The following RIC3 variants were observed in gnomAD, a reference collection of about 807,000 sequenced individuals.
The protein encoded by RIC3 is RIC3 acetylcholine receptor chaperone, also known as protein RIC-3.
RIC3 carries 28 observed loss-of-function variants against 27.3 expected under a neutral mutation model. The observed-to-expected ratio is 1.02, with a 90% confidence interval of 0.76 to 1.41. The LOEUF (loss-of-function observed/expected upper bound fraction) is 1.41, where lower values mean the gene tolerates loss of function less well. Ranked by LOEUF, RIC3 falls within the 40% of genes most tolerant of loss-of-function variation. The probability of loss-of-function intolerance (pLI) is 0.00; values close to 1 mark genes in which losing one functional copy is unlikely to be tolerated. For synonymous variants in RIC3, 184 were observed against 160.4 expected, an observed-to-expected ratio of 1.15 and a Z score of -1.11; for missense variants, 501 against 444.7, an observed-to-expected ratio of 1.13 and a Z score of -1.14.
downstream of RIC3, chr11:8,104,559 C>T (rs1944453355): frequency 6.6e-6 from 1 of 152,130 alleles, no homozygotes; most frequent in African/African-American, 2.4e-5. Flanking sequence ...GTTATGATCG[C>T]CTGTGGATTT....
At chr11:8,137,273 C>G (rs377610619) in intron 4 of RIC3, 105 bp downstream of exon 4, 2 of 906,374 alleles carry the variant, frequency 2.2e-6, no homozygotes, top group African/African-American at 1.6e-5. Context: ...ATCCACCCAC[C>G]TCGGCCTCCC....
At chr11:8,165,092 G>A (rs906734559) in intron 1 of RIC3, among the ~76,000 whole-genome samples, 2 of 152,164 alleles carry the variant, frequency 1.3e-5, no homozygotes, top group African/African-American at 4.8e-5. Context: ...AAAATGGTCT[G>A]GCAGTTCCTC....
chr11:8,100,630 T>C, the RIC3 span: 25 of 1,599,394 alleles, frequency 1.6e-5, no homozygotes, highest in East Asian at 2.5e-4. Flanking sequence ...CTCCCCTCTT[T>C]CCCCATCATC....
intron 1 of RIC3, among the ~76,000 whole-genome samples, chr11:8,162,629 CTTTT>C (rs757717970): frequency 1.8e-4 from 15 of 83,706 alleles, no homozygotes; most frequent in South Asian, 1.3e-3. Context: ...CATGCTTCTT[CTTTT>C]TTTTTTTTTT....
rs529602982 is a variant in RIC3, at chr11:8,141,722, T to C, written c.125-1529A>G. 5.9e-5 allele frequency among the ~76,000 whole-genome samples: 9 copies of C among 152,222 alleles called. No homozygotes were observed. In the East Asian group the frequency reaches 1.3e-3, roughly 23 times the overall value. ...CTCTCCACCCCAAATCAACAGAATATACATTTTTTTCAGCACCACACCACA... is the reference window on the plus strand; with the variant it reads ...CTCTCCACCCCAAATCAACAGAATACACATTTTTTTCAGCACCACACCACA... On this transcript the variant is annotated intron_variant, in intron 1 of 5. Transcript: ENST00000309737.
At chr11:8,102,863 TG>T (rs1187079799), downstream of RIC3, 1 of 152,208 alleles carries the variant, frequency 6.6e-6, no homozygotes, top group Non-Finnish European at 1.5e-5. Context: ...CAAGTTCTCT[TG>T]ATTTCTTTGT....
chr11:8,116,886 A>G (rs1945910947), intron 5 of RIC3, among the ~76,000 whole-genome samples: 1 of 152,192 alleles, frequency 6.6e-6, no homozygotes, highest in South Asian at 2.1e-4. Flanking sequence ...CTATCATATG[A>G]TCCAGTAATC....
intron 4 of RIC3, among the ~76,000 whole-genome samples, chr11:8,136,899 T>G (rs756010055): frequency 3.3e-5 from 5 of 152,174 alleles, no homozygotes; most frequent in Admixed American, 6.5e-5. Context: ...CTTGACAGTA[T>G]GTGAATGAAA....
the RIC3 span, chr11:8,097,815 C>G: frequency 6.2e-7 from 1 of 1,613,094 alleles, no homozygotes. Context: ...ACAGCTATAT[C>G]GGGAAACTGC....
intron 1 of RIC3, among the ~76,000 whole-genome samples, chr11:8,146,818 G>C (rs1331978099): frequency 1.3e-5 from 2 of 152,148 alleles, no homozygotes; most frequent in South Asian, 2.1e-4. Flanking sequence ...CTAAAGACCT[G>C]GGATCAACAG....
At chr11:8,136,399 A>G (rs1302493548) in intron 4 of RIC3, among the ~76,000 whole-genome samples, 1 of 152,122 alleles carries the variant, frequency 6.6e-6, no homozygotes, top group Non-Finnish European at 1.5e-5. Flanking sequence ...TCCCCCTAAT[A>G]TTCTTCCTCC....
the RIC3 span, chr11:8,095,592 C>T: frequency 3.3e-4 from 531 of 1,612,894 alleles, no homozygotes; most frequent in Non-Finnish European, 4.3e-4. Context: ...ACGCCCAGGA[C>T]GCAGGGGAGA....
intron 1 of RIC3, among the ~76,000 whole-genome samples, chr11:8,162,536 T>C (rs2134307219): frequency 6.6e-6 from 1 of 151,176 alleles, no homozygotes; most frequent in Middle Eastern, 3.5e-3. Flanking sequence ...TCCTTAAGAA[T>C]GACAGAAAAA....
At chr11:8,104,246 T>C (rs554942502), downstream of RIC3, 7 of 152,352 alleles carry the variant, frequency 4.6e-5, no homozygotes, top group African/African-American at 1.4e-4. Flanking sequence ...CCTAATGGTA[T>C]TGGGCAGTTG....
intron 1 of RIC3, among the ~76,000 whole-genome samples, chr11:8,145,675 A>G (rs9783349): frequency 0.17 from 26,252 of 151,946 alleles, 3,076 homozygotes; most frequent in African/African-American, 0.33. Flanking sequence ...GTGTTACATC[A>G]ATTTTCTTGC....
chr11:8,101,446 T>C (rs1298083113), downstream of RIC3: 1 of 1,607,856 alleles, frequency 6.2e-7, no homozygotes, highest in East Asian at 2.2e-5. Context: ...ACCATTCCTG[T>C]CCTGTCCTTT....
chr11:8,133,420 G>T (rs1238427668), intron 4 of RIC3, among the ~76,000 whole-genome samples: 1 of 152,150 alleles, frequency 6.6e-6, no homozygotes, highest in African/African-American at 2.4e-5. Flanking sequence ...AGGATAAAAG[G>T]TGTTGGATTA....
In RIC3 at chr11:8,108,347, A is replaced by G. The variant is rs1381516049; in HGVS notation, c.*2351T>C. 1 of 152,184 alleles carries G rather than the reference A, an allele frequency of 6.6e-6. No individual in the cohort carries two copies. The highest frequency in any genetic ancestry group is 2.4e-5 in the African/African-American group (1 of 41,438). The allele number at this position is 152,184 out of a possible 1,614,324, so 9.4% of individuals were successfully genotyped here. The stretch of plus-strand genomic sequence containing the variant: ...CATGCCTCAAGGCCCACCTCCCAAG[A>G]AACTGTGAAGTTTCTTGGCAATACT... On this transcript the variant is annotated 3_prime_UTR_variant, in exon 6 of 6. Coordinates refer to ENST00000309737, the MANE Select transcript of RIC3 (RefSeq NM_001206671.4).
Position 8,128,201 on chromosome 11 carries a change from C to T in RIC3, c.522-1394G>A, listed in dbSNP as rs563042350. On this transcript the variant is annotated intron_variant, in intron 4 of 5. Transcript: ENST00000309737. ...CCCACTTTGTGTGAGGCTTCTGGGG[C>T]AGACTAGAAGAGCTTACCTGCTTAT... 5 of 457,388 alleles carry T rather than the reference C, an allele frequency of 1.1e-5. No individual in the cohort carries two copies. The East Asian group carries it at 3.5e-4, about 32-fold the overall frequency. The allele number at this position is 457,388 out of a possible 1,614,324, so 28.3% of individuals were successfully genotyped here.
Sources: allele counts gnomAD v4.1 joint callset (sites outside exome capture counted in the v4.1 genomes callset), GRCh38; gene constraint gnomAD v4.1.1; transcripts MANE v1.5; gene names NCBI Gene and HGNC (gene_info 2026-07-23, HGNC 2026-07-21).